The following CENPW variants were observed in gnomAD, a reference collection of about 807,000 sequenced individuals.
The protein encoded by CENPW is cancer-up-regulated gene 2 protein.
A neutral mutation model predicts 11.1 loss-of-function variants in CENPW; 3 were observed. That is an observed-to-expected ratio of 0.27 (90% CI 0.12 to 0.70). The LOEUF (loss-of-function observed/expected upper bound fraction) is 0.70, where lower values mean the gene tolerates loss of function less well. CENPW is among the 30% of genes least tolerant of loss of function. CENPW has a pLI of 0.77. For synonymous variants in CENPW, 38 were observed against 42.0 expected, an observed-to-expected ratio of 0.91 and a Z score of 0.37; for missense variants, 100 against 105.6, an observed-to-expected ratio of 0.95 and a Z score of 0.23.
At chr6:126,414,491 G>A in the CENPW span, among the ~76,000 whole-genome samples, 7 of 152,052 alleles carry the variant, frequency 4.6e-5, no homozygotes, top group African/African-American at 9.7e-5. Context: ...GAAATCAATA[G>A]TGAGAAACTT....
the CENPW span, among the ~76,000 whole-genome samples, chr6:126,410,019 G>A: frequency 2.0e-5 from 3 of 151,530 alleles, no homozygotes; most frequent in Admixed American, 6.6e-5. Context: ...ATCGTGATAT[G>A]GTGGTTTTTT....
chr6:126,430,466 T>C, the CENPW span, among the ~76,000 whole-genome samples: 1 of 152,224 alleles, frequency 6.6e-6, no homozygotes, highest in East Asian at 1.9e-4. Flanking sequence ...ATTACACTTT[T>C]CATTGTCTGT....
At chr6:126,345,219 A>C (rs1583954652) in intron 1 of CENPW, among the ~76,000 whole-genome samples, 1 of 151,918 alleles carries the variant, frequency 6.6e-6, no homozygotes, top group Non-Finnish European at 1.5e-5. Flanking sequence ...ATACTTAACA[A>C]AGTGTTATTT....
chr6:126,396,647 G>A, the CENPW span, among the ~76,000 whole-genome samples: 1 of 151,974 alleles, frequency 6.6e-6, no homozygotes, highest in South Asian at 2.1e-4. Context: ...CAGCATAGTT[G>A]GGAATGTGCT....
At chr6:126,448,650 T>G in the CENPW span, among the ~76,000 whole-genome samples, 1 of 150,998 alleles carries the variant, frequency 6.6e-6, no homozygotes, top group African/African-American at 2.4e-5. Flanking sequence ...CCTTTTGAGA[T>G]CTTCTGGTAA....
At chr6:126,460,100 G>T in the CENPW span, among the ~76,000 whole-genome samples, 1 of 151,464 alleles carries the variant, frequency 6.6e-6, no homozygotes, top group Non-Finnish European at 1.5e-5. Flanking sequence ...TCAGTTTAAA[G>T]CTTACACCAA....
chr6:126,432,724 T>A, the CENPW span, among the ~76,000 whole-genome samples: 1 of 152,168 alleles, frequency 6.6e-6, no homozygotes, highest in African/African-American at 2.4e-5. Flanking sequence ...CAGATAAACA[T>A]CTGTCTGGCT....
At chr6:126,383,594 T>TG in the CENPW span, among the ~76,000 whole-genome samples, 2 of 149,110 alleles carry the variant, frequency 1.3e-5, no homozygotes, top group Non-Finnish European at 3.0e-5. Context: ...ACCAAGGAAA[T>TG]GGAAAAAAGA....
At chr6:126,430,120 C>T in the CENPW span, among the ~76,000 whole-genome samples, 1 of 152,132 alleles carries the variant, frequency 6.6e-6, no homozygotes, top group Non-Finnish European at 1.5e-5. Flanking sequence ...TGTGTATGTA[C>T]CTGGAATAGA....
the CENPW span, among the ~76,000 whole-genome samples, chr6:126,436,665 C>T: frequency 1.3e-5 from 2 of 151,852 alleles, no homozygotes; most frequent in Non-Finnish European, 2.9e-5. Flanking sequence ...CAAAATTTTT[C>T]ACTTTCCTTT....
At chr6:126,406,081 G>A in the CENPW span, among the ~76,000 whole-genome samples, 1 of 152,124 alleles carries the variant, frequency 6.6e-6, no homozygotes, top group East Asian at 1.9e-4. Flanking sequence ...CATAACGTTA[G>A]CTGTGGATTT....
the CENPW span, among the ~76,000 whole-genome samples, chr6:126,473,956 A>G: frequency 1.2e-4 from 18 of 148,340 alleles, no homozygotes; most frequent in Non-Finnish European, 2.5e-4. Context: ...TAGAATATAT[A>G]CAGAATATAT....
intron 1 of CENPW, among the ~76,000 whole-genome samples, 180 bp from the exon 2 acceptor site, chr6:126,346,024 AG>A (rs1223636867): frequency 2.0e-5 from 3 of 152,356 alleles, no homozygotes; most frequent in Admixed American, 2.0e-4. Flanking sequence ...GTCTCTTTGC[AG>A]GGAATCTAAG....
Position 126,340,219 on chromosome 6 carries a change from TGTGCGATACAGA to T in CENPW, c.-53_-42del, listed in dbSNP as rs1780273091. The T allele has an allele frequency of 6.4e-7, 1 of 1,558,408 alleles. No homozygotes were observed. The highest frequency in any genetic ancestry group is 1.4e-5 in the African/African-American group (1 of 73,726). ...GCTGGCCCAGTGTCCCCGGAGCTTG[TGTGCGATACAGA>T]GAGCACCTCGGAAGCTGAGGCAGCT... is the stretch of plus-strand genomic sequence containing the variant. On this transcript the variant is annotated 5_prime_UTR_variant, in exon 1 of 3. Transcript: ENST00000368328.
the CENPW span, among the ~76,000 whole-genome samples, chr6:126,446,861 A>G: frequency 6.6e-6 from 1 of 151,196 alleles, no homozygotes; most frequent in Non-Finnish European, 1.5e-5. Context: ...TAATCTTTAT[A>G]TTATATATTT....
At chr6:126,386,536 TG>T in the CENPW span, among the ~76,000 whole-genome samples, 1 of 152,082 alleles carries the variant, frequency 6.6e-6, no homozygotes, top group African/African-American at 2.4e-5. Context: ...TTATGTACAC[TG>T]CGCCTTCTGC....
chr6:126,372,808 TG>T, the CENPW span, among the ~76,000 whole-genome samples: 14 of 152,314 alleles, frequency 9.2e-5, no homozygotes, highest in African/African-American at 3.4e-4. Context: ...ACTTGCTAAG[TG>T]TCCTTTCTGG....
At position 126,340,269 on chromosome 6, in the gene CENPW, A is replaced by T. The variant is rs757793929; in HGVS notation, c.-5A>T. On this transcript the variant is annotated 5_prime_UTR_variant, in exon 1 of 3. Transcript: ENST00000368328. ...AGCTGAGGCAGCTGGTACTTGACAG[A>T]GAGGATGGCGCTGTCGACCATAGTC... 2.4e-5 allele frequency: 39 copies of T among 1,613,166 alleles called. No individual in the cohort carries two copies. The highest frequency in any genetic ancestry group is 3.1e-5 in the Non-Finnish European group (37 of 1,179,992).
the CENPW span, among the ~76,000 whole-genome samples, chr6:126,365,908 AG>A: frequency 6.6e-6 from 1 of 152,198 alleles, no homozygotes; most frequent in African/African-American, 2.4e-5. Flanking sequence ...TTAATTGTGA[AG>A]TCCAGATTTC....
Sources: allele counts gnomAD v4.1 joint callset (sites outside exome capture counted in the v4.1 genomes callset), GRCh38; gene constraint gnomAD v4.1.1; transcripts MANE v1.5; gene names NCBI Gene and HGNC (gene_info 2026-07-23, HGNC 2026-07-21).